NAA16: variants seen among roughly 807,000 people sequenced by gnomAD.
NAA16 encodes the protein N-alpha-acetyltransferase 16, NatA auxiliary subunit, also known as NARG1-like protein.
Under a neutral mutation model 110.3 loss-of-function variants are expected in NAA16, and 97 were observed. The observed-to-expected ratio is 0.88, with a 90% confidence interval of 0.75 to 1.04. The LOEUF is 1.04. Among genes scored for constraint, NAA16 ranks in the 50% least tolerant of loss-of-function variants. The pLI is 0.00. For missense variants in NAA16, 1,017 were observed against 1,005.1 expected, an observed-to-expected ratio of 1.01 and a Z score of -0.16; for synonymous variants, 372 against 330.6, an observed-to-expected ratio of 1.13 and a Z score of -1.36.
chr13:41,314,608 C>T (rs1446394536), intron 1 of NAA16, among the ~76,000 whole-genome samples: 3 of 152,172 alleles, frequency 2.0e-5, no homozygotes, highest in Non-Finnish European at 4.4e-5. Context: ...TGGTCTCATC[C>T]ATTGCTAGTG....
At chr13:41,348,714 A>G (rs2139463090) in intron 9 of NAA16, among the ~76,000 whole-genome samples, 1 of 152,186 alleles carries the variant, frequency 6.6e-6, no homozygotes, top group East Asian at 1.9e-4. Flanking sequence ...TTTGTGAAGA[A>G]TTGGTATTAT....
At chr13:41,355,422 T>G (rs141585304) in intron 10 of NAA16, among the ~76,000 whole-genome samples, 28 of 152,216 alleles carry the variant, frequency 1.8e-4, no homozygotes, top group African/African-American at 6.5e-4. Flanking sequence ...CCTTGTGCGG[T>G]TTTTTTGTTT....
chr13:41,358,907 T>C lies in NAA16; in HGVS notation c.1355T>C (p.Met452Thr). 2 of 1,612,266 alleles carry C rather than the reference T, an allele frequency of 1.2e-6. No homozygotes were observed. Among genetic ancestry groups the C allele is most frequent in the South Asian group, 1.1e-5 (1 of 90,886 alleles). Residue 452 changes from methionine to threonine, a missense_variant, in exon 12 of 20, where the codon ATG becomes ACG. Met to Thr is a moderately conservative substitution (Grantham distance 81, BLOSUM62 -1). Coordinates refer to ENST00000379406, the MANE Select transcript of NAA16 (RefSeq NM_024561.5). ...ATCAATTCCAAATGTGCAAAATACA[T>C]GCTTCGAGCAAATATGATAAAAGAA... ...RFINSKCAKY[M>T]LRANMIKEAE...
intron 7 of NAA16, 80 bp downstream of exon 7, chr13:41,328,923 A>T: frequency 1.6e-6 from 2 of 1,264,036 alleles, no homozygotes; most frequent in Admixed American, 4.3e-5. Flanking sequence ...AATACTTGGG[A>T]ACAAATAATT....
Position 41,351,316 on chromosome 13 carries a change from T to TA in NAA16, c.1015-3827dup, listed in dbSNP as rs201916417. On this transcript the variant is annotated intron_variant, in intron 9 of 19. Transcript: ENST00000379406. ...CCTTCTCACACCTCATCTCTGTAGT[T>TA]ACTTTTATTTTATTGTCATTGTTCT... Among the ~76,000 whole-genome samples the TA allele has an allele frequency of 4.3e-3, 661 of 152,338 alleles. 5 individuals carry two copies. The highest frequency in any genetic ancestry group is 0.015 in the African/African-American group (626 of 41,576).
chr13:41,316,996 A>G (rs974692605), intron 2 of NAA16, 66 bp downstream of exon 2: 1 of 1,124,982 alleles, frequency 8.9e-7, no homozygotes, highest in Non-Finnish European at 1.4e-6. Flanking sequence ...TAACAGTGAA[A>G]GAAGAGTATT....
chr13:41,362,041 C>T lies in NAA16; in HGVS notation c.1421C>T (p.Ser474Phe), dbSNP rs2043122090. ...ATGCTTCCATTTCAGGAAGGAACAT[C>T]TGCCATGGAAAATCTAAATGAAATG... ...MCSKFTREGT[S>F]AMENLNEMQC... The change falls in exon 13 of 20, where the codon TCT becomes TTT. Residue 474 changes from serine (S) to phenylalanine (F), a missense_variant. Ser to Phe is a radical substitution (Grantham distance 155). Coordinates refer to ENST00000379406, the MANE Select transcript of NAA16 (RefSeq NM_024561.5). 1 of 1,610,046 alleles carries T rather than the reference C, an allele frequency of 6.2e-7. No individual in the cohort carries two copies. The highest frequency in any genetic ancestry group is 8.5e-7 in the Non-Finnish European group (1 of 1,178,600).
chr13:41,326,153 A>G (rs943421903), intron 6 of NAA16, among the ~76,000 whole-genome samples: 2 of 152,190 alleles, frequency 1.3e-5, no homozygotes, highest in Admixed American at 6.5e-5. Context: ...CACTGCCTTC[A>G]TATTGAATAT....
chr13:41,372,505 T>G (rs2043342318), intron 16 of NAA16, 194 bp downstream of exon 16: 2 of 985,382 alleles, frequency 2.0e-6, no homozygotes, highest in Middle Eastern at 5.2e-4. Context: ...GTAAGAATAG[T>G]TTGAACAACC....
At chr13:41,313,110 T>A (rs941917583) in intron 1 of NAA16, among the ~76,000 whole-genome samples, 2 of 152,152 alleles carry the variant, frequency 1.3e-5, no homozygotes, top group Non-Finnish European at 2.9e-5. Context: ...TTATACGAGT[T>A]TTTTGTAGTT....
At chr13:41,345,283 C>G (rs752432922) in intron 9 of NAA16, among the ~76,000 whole-genome samples, 3 of 152,126 alleles carry the variant, frequency 2.0e-5, no homozygotes, top group African/African-American at 4.8e-5. Context: ...TCCAAAGTTC[C>G]TCCACCATTT....
At chr13:41,330,758 T>G (rs1312644405) in intron 7 of NAA16, among the ~76,000 whole-genome samples, 1 of 152,066 alleles carries the variant, frequency 6.6e-6, no homozygotes, top group African/African-American at 2.4e-5. Flanking sequence ...TAATGGAGTT[T>G]CATTGAAGAT....
At chr13:41,328,454 T>G (rs546451828) in intron 6 of NAA16, among the ~76,000 whole-genome samples, 1 of 152,290 alleles carries the variant, frequency 6.6e-6, no homozygotes, top group East Asian at 1.9e-4. Flanking sequence ...GAGTATAAGA[T>G]GTGTGTAATG....
chr13:41,332,232 A>G (rs781466120), intron 8 of NAA16, among the ~76,000 whole-genome samples: 12 of 151,998 alleles, frequency 7.9e-5, no homozygotes, highest in Non-Finnish European at 1.2e-4. Flanking sequence ...GTTTGCACCC[A>G]CTATGGTGTT....
rs1566309206 is a variant in NAA16, at chr13:41,376,030, C to T, written c.*428C>T. The T allele has an allele frequency of 1.3e-5, 2 of 153,446 alleles. No homozygotes were observed. The highest frequency in any genetic ancestry group is 2.9e-5 in the Non-Finnish European group (2 of 69,038). The allele number at this position is 153,446 out of a possible 1,614,324, so 9.5% of individuals were successfully genotyped here. Reference sequence around the variant, plus strand: ...GGAGGCTGGGCGTGGTGGCTCACACCTGTAATCCCAGCACTTTGGGAGGCC... The same window carrying T: ...GGAGGCTGGGCGTGGTGGCTCACACTTGTAATCCCAGCACTTTGGGAGGCC... On this transcript the variant is annotated 3_prime_UTR_variant, in exon 20 of 20. Coordinates refer to ENST00000379406, the MANE Select transcript of NAA16 (RefSeq NM_024561.5).
Position 41,358,478 on chromosome 13 carries a change from A to T in NAA16, c.1257+5A>T, listed in dbSNP as rs777458390. The stretch of plus-strand genomic sequence containing the variant: ...ATGAAAGCAAAAATTTACAAGGTAA[A>T]ATCTGAATCCTGTTTTTTGAGTAGT... On this transcript the variant is annotated splice_donor_5th_base_variant and intron_variant, in intron 11 of 19. Transcript: ENST00000379406. 1 of 1,612,960 alleles carries T rather than the reference A, an allele frequency of 6.2e-7. No individual in the cohort carries two copies. Among genetic ancestry groups the T allele is most frequent in the South Asian group, 1.1e-5 (1 of 90,932 alleles).
At chr13:41,371,700 C>T (rs1217690885) in intron 15 of NAA16, among the ~76,000 whole-genome samples, 2 of 152,128 alleles carry the variant, frequency 1.3e-5, no homozygotes, top group Non-Finnish European at 2.9e-5. Context: ...GGCTTCCAGT[C>T]AACAGTAGGC....
chr13:41,356,626 A>C (rs1477988015), intron 10 of NAA16, among the ~76,000 whole-genome samples: 1 of 152,236 alleles, frequency 6.6e-6, no homozygotes, highest in East Asian at 1.9e-4. Flanking sequence ...ATTTGAGTAT[A>C]GATCCAGTTA....
chr13:41,332,111 C>G (rs2042254675), intron 8 of NAA16, among the ~76,000 whole-genome samples: 1 of 151,966 alleles, frequency 6.6e-6, no homozygotes, highest in Admixed American at 6.6e-5. Flanking sequence ...CAGGCTGGAG[C>G]TGGAGTGCAG....
Sources: gnomAD v4.1 joint callset for allele counts (sites outside exome capture counted in the v4.1 genomes callset) on GRCh38, gnomAD v4.1.1 for gene constraint, MANE v1.5 for transcripts, NCBI Gene and HGNC (gene_info 2026-07-23, HGNC 2026-07-21) for gene names.